Variants in WDFY2 observed in about 807,000 individuals in gnomAD.
WDFY2 encodes the protein WD repeat and FYVE domain containing 2.
In WDFY2, 36 loss-of-function variants were observed where a neutral mutation model predicts 56.4. The ratio of observed to expected loss-of-function variants is 0.64; its 90% CI spans 0.49 to 0.84. The LOEUF (loss-of-function observed/expected upper bound fraction) is 0.84, where lower values mean the gene tolerates loss of function less well. Among genes scored for constraint, WDFY2 ranks in the 40% least tolerant of loss-of-function variants. The pLI is 0.00. For missense variants in WDFY2, 444 were observed against 512.2 expected (o/e 0.87, Z 1.29); for synonymous variants, 176 against 183.7 (o/e 0.96, Z 0.34).
At chr13:51,748,996 A>G (rs1210881962) in intron 7 of WDFY2, among the ~76,000 whole-genome samples, 1 of 152,220 alleles carries the variant, frequency 6.6e-6, no homozygotes, top group Non-Finnish European at 1.5e-5. Flanking sequence ...AAGCTACATG[A>G]TAAGTGATAT....
At chr13:51,747,457 C>T (rs118073508) in intron 7 of WDFY2, among the ~76,000 whole-genome samples, 1 of 152,358 alleles carries the variant, frequency 6.6e-6, no homozygotes, top group East Asian at 1.9e-4. Context: ...CTCTTCCGAT[C>T]TGACAGTTAT....
chr13:51,603,573 A>G (rs191223198), intron 1 of WDFY2, among the ~76,000 whole-genome samples: 2 of 152,336 alleles, frequency 1.3e-5, no homozygotes, highest in South Asian at 2.1e-4. Flanking sequence ...ATTCTAATGT[A>G]AGAAATTTGC....
intron 1 of WDFY2, among the ~76,000 whole-genome samples, 181 bp from the exon 2 acceptor site, chr13:51,660,415 G>T (rs1052875286): frequency 2.0e-5 from 3 of 151,614 alleles, no homozygotes; most frequent in Admixed American, 6.6e-5. Flanking sequence ...GGCCAGGCTG[G>T]TCTCGAACTC....
At chr13:51,693,699 C>G (rs1355876431) in intron 3 of WDFY2, among the ~76,000 whole-genome samples, 1 of 150,584 alleles carries the variant, frequency 6.6e-6, no homozygotes, top group Non-Finnish European at 1.5e-5. Context: ...TCTATTAGGT[C>G]TGCTTGGTGC....
chr13:51,707,657 T>A (rs1460970338), intron 4 of WDFY2, among the ~76,000 whole-genome samples: 1 of 152,136 alleles, frequency 6.6e-6, no homozygotes, highest in African/African-American at 2.4e-5. Context: ...CAAAAGAAAC[T>A]ATGTGTCTAC....
chr13:51,757,554 G>A (rs1374025749), intron 10 of WDFY2, among the ~76,000 whole-genome samples: 5 of 151,064 alleles, frequency 3.3e-5, no homozygotes, highest in East Asian at 3.9e-4. Context: ...ACCTTTTCCC[G>A]CCTCTGTTTC....
At position 51,700,794 on chromosome 13, in the gene WDFY2, TG is replaced by T. The variant is rs531540110; in HGVS notation, c.280-2801del. On this transcript the variant is annotated intron_variant, in intron 3 of 11. Coordinates refer to ENST00000298125, the MANE Select transcript of WDFY2 (RefSeq NM_052950.4). ...CAGCCTGACCAACATGGGGAAACCC[TG>T]TCTCTACTAAAAATACAATAAATTA... 1.5e-4 allele frequency among the ~76,000 whole-genome samples: 23 copies of T among 151,766 alleles called. No homozygotes were observed. In the East Asian group the frequency reaches 4.5e-3, roughly 29 times the overall value.
intron 7 of WDFY2, among the ~76,000 whole-genome samples, chr13:51,739,571 G>A (rs973856017): frequency 3.3e-5 from 5 of 152,160 alleles, no homozygotes; most frequent in South Asian, 2.1e-4. Context: ...GGCAGCATAC[G>A]GAAAAGAGGA....
chr13:51,700,447 T>G (rs1304646240), intron 3 of WDFY2, among the ~76,000 whole-genome samples: 2 of 152,266 alleles, frequency 1.3e-5, no homozygotes, highest in Non-Finnish European at 2.9e-5. Context: ...CAGCCAAACC[T>G]TTACATTTTA....
intron 5 of WDFY2, among the ~76,000 whole-genome samples, chr13:51,720,479 T>C (rs1424176310): frequency 6.6e-6 from 1 of 152,178 alleles, no homozygotes; most frequent in Non-Finnish European, 1.5e-5. Context: ...AACTTTACTT[T>C]TTAAAAGCCA....
At chr13:51,688,301 C>G (rs190282747) in intron 3 of WDFY2, among the ~76,000 whole-genome samples, 1 of 152,120 alleles carries the variant, frequency 6.6e-6, no homozygotes, top group Non-Finnish European at 1.5e-5. Context: ...TCATGTAATG[C>G]GTTGTCACCT....
chr13:51,663,599 A>G (rs1955651588), intron 2 of WDFY2, among the ~76,000 whole-genome samples: 1 of 152,188 alleles, frequency 6.6e-6, no homozygotes, highest in Admixed American at 6.5e-5. Flanking sequence ...AGAATTTAAG[A>G]TTTGTTTAAC....
chr13:51,615,362 A>G (rs1009108546), intron 1 of WDFY2, among the ~76,000 whole-genome samples: 6 of 152,188 alleles, frequency 3.9e-5, no homozygotes, highest in African/African-American at 1.4e-4. Flanking sequence ...TAAAAAAAAA[A>G]CACTGAAACA....
chr13:51,740,694 A>G (rs1952950623), intron 7 of WDFY2, among the ~76,000 whole-genome samples: 1 of 151,112 alleles, frequency 6.6e-6, no homozygotes, highest in Non-Finnish European at 1.5e-5. Flanking sequence ...AGCCTGGGCA[A>G]CAGAGCAAGA....
At chr13:51,706,994 G>A (rs1237561420) in intron 4 of WDFY2, among the ~76,000 whole-genome samples, 2 of 152,108 alleles carry the variant, frequency 1.3e-5, no homozygotes, top group African/African-American at 4.8e-5. Context: ...GAAATAAAAC[G>A]ATTATGGAAA....
chr13:51,761,245 G>A lies in WDFY2; in HGVS notation c.*1476G>A, dbSNP rs1205354930. 6.6e-6 allele frequency: 1 copy of A among 152,172 alleles called. No homozygotes were observed. Among genetic ancestry groups the A allele is most frequent in the Non-Finnish European group, 1.5e-5 (1 of 68,016 alleles). The allele number at this position is 152,172 out of a possible 1,614,324, so 9.4% of individuals were successfully genotyped here. A position where few individuals can be genotyped will look rare whatever the true frequency, so the allele number is the denominator to read the frequency against. ...GAGGACTTTAGAAAGTGAACCTGAA[G>A]AACTCTTATTTCTAAGGGAATCCAG... On this transcript the variant is annotated 3_prime_UTR_variant, in exon 12 of 12. Coordinates refer to ENST00000298125, the MANE Select transcript of WDFY2 (RefSeq NM_052950.4).
chr13:51,628,097 C>T (rs957924239), intron 1 of WDFY2, among the ~76,000 whole-genome samples: 1 of 152,180 alleles, frequency 6.6e-6, no homozygotes, highest in African/African-American at 2.4e-5. Flanking sequence ...CACTGGGGAC[C>T]CACCCCTTTC....
chr13:51,618,084 A>G (rs191900735), intron 1 of WDFY2, among the ~76,000 whole-genome samples: 1 of 152,362 alleles, frequency 6.6e-6, no homozygotes, highest in East Asian at 1.9e-4. Context: ...TGTTAAGTAC[A>G]AGTGACAAGC....
intron 1 of WDFY2, among the ~76,000 whole-genome samples, chr13:51,643,573 G>C (rs1337911914): frequency 6.6e-6 from 1 of 152,120 alleles, no homozygotes; most frequent in Non-Finnish European, 1.5e-5. Flanking sequence ...TCATATTGTT[G>C]AATTGCTTAG....
Sources: gnomAD v4.1 joint callset for allele counts (sites outside exome capture counted in the v4.1 genomes callset) on GRCh38, gnomAD v4.1.1 for gene constraint, MANE v1.5 for transcripts, NCBI Gene and HGNC (gene_info 2026-07-23, HGNC 2026-07-21) for gene names.